CA1: variants seen among roughly 807,000 people sequenced by gnomAD.
CA1 encodes the protein carbonate dehydratase I.
CA1 carries 27 observed loss-of-function variants against 28.8 expected under a neutral mutation model. The observed-to-expected ratio is 0.94, with a 90% confidence interval of 0.69 to 1.29. CA1 has a LOEUF of 1.29. CA1 is among the 50% of genes most tolerant of loss of function. CA1 has a pLI of 0.00. For missense variants in CA1, 335 were observed against 310.5 expected (o/e 1.08, Z -0.59); for synonymous variants, 121 against 108.8 (o/e 1.11, Z -0.70).
At chr8:85,332,221 C>A in intron 6 of CA1, 1 of 312,060 alleles carries the variant, frequency 3.2e-6, no homozygotes, top group Non-Finnish European at 5.9e-6. Flanking sequence ...GTTTTTCAAG[C>A]AAATTTAAAT....
chr8:85,362,831 ATAACT>A (rs1221143951), intron 1 of CA1, among the ~76,000 whole-genome samples: 1 of 152,222 alleles, frequency 6.6e-6, no homozygotes, highest in Non-Finnish European at 1.5e-5. Context: ...TTTTAGGCAG[ATAACT>A]TATATTATTT....
intron 3 of CA1, 121 bp downstream of exon 3, chr8:85,338,131 A>C: frequency 1.1e-6 from 1 of 940,106 alleles, no homozygotes; most frequent in South Asian, 1.3e-5. Context: ...TCACTAGATT[A>C]CAGCAATGCT....
chr8:85,349,104 A>G (rs1364877115), intron 1 of CA1, among the ~76,000 whole-genome samples: 1 of 152,168 alleles, frequency 6.6e-6, no homozygotes. Context: ...AAATCTTTTT[A>G]TTTTTAGCCT....
At chr8:85,367,228 A>G (rs150742816) in intron 1 of CA1, among the ~76,000 whole-genome samples, 4 of 152,306 alleles carry the variant, frequency 2.6e-5, no homozygotes, top group African/African-American at 9.6e-5. Context: ...TATAGTTTCT[A>G]CATGTCTACT....
intron 1 of CA1, among the ~76,000 whole-genome samples, chr8:85,349,537 C>T (rs149423073): frequency 0.01 from 1,541 of 152,192 alleles, 19 homozygotes; most frequent in Middle Eastern, 0.034. Flanking sequence ...CTAAAACAGA[C>T]CCTATAACTT....
chr8:85,341,226 A>G (rs1374809844), intron 2 of CA1: 1 of 167,742 alleles, frequency 6.0e-6, no homozygotes, highest in African/African-American at 2.4e-5. Context: ...TAAGGTATGT[A>G]GATTTTTTAA....
At chr8:85,335,713 A>G (rs193110847) in intron 4 of CA1, among the ~76,000 whole-genome samples, 97 of 152,324 alleles carry the variant, frequency 6.4e-4, no homozygotes, top group African/African-American at 2.2e-3. Flanking sequence ...GTTTTCTTGG[A>G]TACTACCAAC....
chr8:85,341,598 C>A lies in CA1; in HGVS notation c.37+1G>T. 6.3e-7 allele frequency: 1 copy of A among 1,578,900 alleles called. No individual in the cohort carries two copies. The highest frequency in any genetic ancestry group is 1.1e-5 in the South Asian group (1 of 90,334). On this transcript the variant is annotated splice_donor_variant, in intron 2 of 7. Transcript: ENST00000523022. LOFTEE classifies it high-confidence loss of function. ...ATCTATATAAACAGGAGAACTCTTACCATTTTTGTCATCATATCCCCAGTC... is the reference window on the plus strand; with the variant it reads ...ATCTATATAAACAGGAGAACTCTTAACATTTTTGTCATCATATCCCCAGTC...
In CA1 at chr8:85,349,486, G is replaced by A. The variant is rs1015440489; in HGVS notation, c.-24-7827C>T. Among the ~76,000 whole-genome samples, 10 of 152,268 alleles carry A rather than the reference G, an allele frequency of 6.6e-5. No homozygotes were observed. The South Asian group carries it at 1.0e-3, about 16-fold the overall frequency. The stretch of plus-strand genomic sequence containing the variant: ...TTTATTATCACAAAAGAGTTTAGTC[G>A]TGTGGGAAACTATTACCTCACAACA... On this transcript the variant is annotated intron_variant, in intron 1 of 7. Coordinates refer to ENST00000523022, the MANE Select transcript of CA1 (RefSeq NM_001128831.4).
chr8:85,332,921 C>T (rs1446651137), intron 5 of CA1, among the ~76,000 whole-genome samples: 1 of 152,064 alleles, frequency 6.6e-6, no homozygotes, highest in Non-Finnish European at 1.5e-5. Flanking sequence ...ATTGTAAGTG[C>T]TCAGTAAAGG....
In CA1 at chr8:85,333,797, G is replaced by C. The variant is rs533699339; in HGVS notation, c.355-177C>G. 3.9e-5 allele frequency among the ~76,000 whole-genome samples: 6 copies of C among 152,306 alleles called. No individual in the cohort carries two copies. In the South Asian group the frequency reaches 1.0e-3, roughly 26 times the overall value. ...TTCTCACTCGTAGGAAGGGTTATCT[G>C]TGTGCCAGGTAGAGATTACAAAACC... is the stretch of plus-strand genomic sequence containing the variant. On this transcript the variant is annotated intron_variant, in intron 4 of 7. Transcript: ENST00000523022.
intron 2 of CA1, among the ~76,000 whole-genome samples, chr8:85,338,687 T>G (rs1034831141): frequency 1.4e-5 from 2 of 143,192 alleles, no homozygotes; most frequent in African/African-American, 2.6e-5. Flanking sequence ...TTTCTTTCCT[T>G]CTTTCTCTCT....
At chr8:85,331,884 A>G (rs1434478699) in intron 6 of CA1, among the ~76,000 whole-genome samples, 1 of 151,980 alleles carries the variant, frequency 6.6e-6, no homozygotes, top group African/African-American at 2.4e-5. Context: ...TGTCATTTAT[A>G]CTTTATAAGA....
At chr8:85,366,931 G>A (rs1035868031) in intron 1 of CA1, among the ~76,000 whole-genome samples, 3 of 152,072 alleles carry the variant, frequency 2.0e-5, no homozygotes, top group African/African-American at 7.2e-5. Flanking sequence ...TCTAAAAGAT[G>A]ACAGATTGTT....
intron 1 of CA1, among the ~76,000 whole-genome samples, chr8:85,371,869 T>C (rs1351114023): frequency 3.3e-5 from 5 of 152,112 alleles, no homozygotes; most frequent in Non-Finnish European, 7.4e-5. Context: ...CTAAAAGAAT[T>C]GTGGCCTGTC....
intron 1 of CA1, chr8:85,373,335 C>T (rs1219077919): frequency 3.3e-5 from 5 of 152,168 alleles, no homozygotes; most frequent in Non-Finnish European, 7.3e-5. Context: ...GACACCACGC[C>T]GCAAAGGGCT....
chr8:85,351,207 G>C (rs527859158), intron 1 of CA1, among the ~76,000 whole-genome samples: 26 of 152,226 alleles, frequency 1.7e-4, no homozygotes, highest in Non-Finnish European at 3.5e-4. Context: ...TTCCAAGGGA[G>C]CATTGACTGT....
chr8:85,372,517 C>T (rs1209362589), intron 1 of CA1, among the ~76,000 whole-genome samples: 2 of 152,124 alleles, frequency 1.3e-5, no homozygotes, highest in Non-Finnish European at 2.9e-5. Context: ...GATATTTGTA[C>T]ACCTGTATTC....
chr8:85,344,170 ACTG>A (rs1207336136), intron 1 of CA1, among the ~76,000 whole-genome samples: 3 of 132,068 alleles, frequency 2.3e-5, no homozygotes, highest in Non-Finnish European at 3.1e-5. Flanking sequence ...TATATTATAT[ACTG>A]TATATAATAT....
Sources: gnomAD v4.1 joint callset for allele counts (sites outside exome capture counted in the v4.1 genomes callset) on GRCh38, gnomAD v4.1.1 for gene constraint, MANE v1.5 for transcripts, NCBI Gene and HGNC (gene_info 2026-07-23, HGNC 2026-07-21) for gene names.